Variants in NR6A1 observed in about 807,000 individuals in gnomAD.
NR6A1 encodes the protein retinoic acid receptor-related testis-associated receptor.
Under a neutral mutation model 59.1 loss-of-function variants are expected in NR6A1, and 7 were observed. The ratio of observed to expected loss-of-function variants is 0.12; its 90% confidence interval spans 0.07 to 0.22. The LOEUF is 0.22. NR6A1 is among the 10% of genes least tolerant of loss of function. NR6A1 has a pLI of 1.00. For synonymous variants in NR6A1, 243 were observed against 236.1 expected, an observed-to-expected ratio of 1.03 and a Z score of -0.27; for missense variants, 468 against 611.6, an observed-to-expected ratio of 0.77 and a Z score of 2.48.
intron 2 of NR6A1, chr9:124,595,718 C>A: frequency 8.6e-7 from 1 of 1,166,342 alleles, no homozygotes; most frequent in Non-Finnish European, 1.1e-6. Context: ...AATTTCTAAC[C>A]CTTAGATTTG....
intron 3 of NR6A1, among the ~76,000 whole-genome samples, chr9:124,553,261 G>A (rs1447451893): frequency 6.6e-6 from 1 of 152,044 alleles, no homozygotes; most frequent in Non-Finnish European, 1.5e-5. Context: ...CTAGGCTTCT[G>A]ACACCGGCCC....
chr9:124,587,944 T>C (rs1834983238), intron 2 of NR6A1, among the ~76,000 whole-genome samples: 1 of 152,188 alleles, frequency 6.6e-6, no homozygotes, highest in South Asian at 2.1e-4. Context: ...CATAATTCAA[T>C]GCAGCCTTGA....
At chr9:124,525,312 C>CACAT (rs1832902560) in intron 8 of NR6A1, among the ~76,000 whole-genome samples, 1 of 150,638 alleles carries the variant, frequency 6.6e-6, no homozygotes, top group Non-Finnish European at 1.5e-5. Flanking sequence ...CACACACACA[C>CACAT]ACACACACAC....
intron 2 of NR6A1, among the ~76,000 whole-genome samples, chr9:124,630,709 G>A (rs577580822): frequency 3.0e-4 from 29 of 95,966 alleles, no homozygotes; most frequent in African/African-American, 1.3e-3. Flanking sequence ...ACAGAGTTTC[G>A]CTCTTGTTGC....
chr9:124,532,453 T>C (rs1356754269), intron 7 of NR6A1, among the ~76,000 whole-genome samples: 1 of 152,196 alleles, frequency 6.6e-6, no homozygotes, highest in African/African-American at 2.4e-5. Context: ...CCCTGCACTG[T>C]AAGCTGTATC....
intron 2 of NR6A1, among the ~76,000 whole-genome samples, chr9:124,591,071 G>A (rs1835107695): frequency 1.3e-5 from 2 of 152,306 alleles, no homozygotes; most frequent in South Asian, 4.1e-4. Context: ...CCCACTGGTT[G>A]TACAGCATTT....
At chr9:124,524,589 GC>G (rs2131316731) in intron 9 of NR6A1, 131 bp downstream of exon 9, 2 of 972,336 alleles carry the variant, frequency 2.1e-6, no homozygotes, top group East Asian at 5.2e-5. Flanking sequence ...TTTTTTGAGG[GC>G]AAGGGTGAGA....
At chr9:124,698,877 G>GTTC (rs973513782) in intron 2 of NR6A1, among the ~76,000 whole-genome samples, 16 of 152,028 alleles carry the variant, frequency 1.1e-4, no homozygotes, top group Middle Eastern at 3.2e-3. Flanking sequence ...TTCCCTTCCT[G>GTTC]TTCTTCAGAC....
intron 2 of NR6A1, among the ~76,000 whole-genome samples, chr9:124,718,803 CTTTTTTT>C (rs11316308): frequency 9.4e-4 from 61 of 64,574 alleles, no homozygotes; most frequent in Non-Finnish European, 1.0e-3. Context: ...AAATTGTTAC[CTTTTTTT>C]TTTTTTTTTT....
At chr9:124,640,461 G>A (rs1438947956) in intron 2 of NR6A1, among the ~76,000 whole-genome samples, 2 of 152,112 alleles carry the variant, frequency 1.3e-5, no homozygotes, top group Non-Finnish European at 1.5e-5. Context: ...ATGCAGTGGA[G>A]TGATCGTAGC....
intron 2 of NR6A1, among the ~76,000 whole-genome samples, chr9:124,567,282 G>GT (rs1033090572): frequency 6.6e-6 from 1 of 152,098 alleles, no homozygotes; most frequent in Non-Finnish European, 1.5e-5. Context: ...AGGGGTGGGG[G>GT]TTAGGGGGTC....
intron 2 of NR6A1, chr9:124,599,609 TGAGTCGGTCGTCG>T: frequency 1.7e-6 from 2 of 1,176,740 alleles, no homozygotes; most frequent in Non-Finnish European, 2.2e-6. Context: ...GCCGCTCGGC[TGAGTCGGTCGTCG>T]CCGGCTCCGC....
chr9:124,665,035 A>G (rs1837568653), intron 2 of NR6A1, among the ~76,000 whole-genome samples: 1 of 150,634 alleles, frequency 6.6e-6, no homozygotes, highest in Non-Finnish European at 1.5e-5. Flanking sequence ...AAAAAAAAAA[A>G]AGGTAAAAAT....
At chr9:124,539,318 C>T (rs558840563) in intron 5 of NR6A1, among the ~76,000 whole-genome samples, 3 of 152,322 alleles carry the variant, frequency 2.0e-5, no homozygotes, top group South Asian at 4.1e-4. Flanking sequence ...TTTTGGAACA[C>T]AGCCATGCTC....
intron 3 of NR6A1, among the ~76,000 whole-genome samples, chr9:124,550,375 ATTTTT>A (rs58594452): frequency 3.4e-5 from 4 of 117,620 alleles, no homozygotes; most frequent in African/African-American, 6.5e-5. Flanking sequence ...CTAATGGTGA[ATTTTT>A]TTTTTTTTTT....
intron 2 of NR6A1, among the ~76,000 whole-genome samples, chr9:124,617,206 T>C (rs1270459834): frequency 6.6e-6 from 1 of 152,156 alleles, no homozygotes; most frequent in African/African-American, 2.4e-5. Flanking sequence ...CTCCCTCCCG[T>C]TGTTTATTAG....
At chr9:124,577,460 C>T (rs1834634869) in intron 2 of NR6A1, among the ~76,000 whole-genome samples, 2 of 152,194 alleles carry the variant, frequency 1.3e-5, no homozygotes, top group Non-Finnish European at 2.9e-5. Flanking sequence ...TGTTATATAT[C>T]TCAGTCCTTT....
chr9:124,764,925 T>C (rs1840888513), intron 1 of NR6A1, among the ~76,000 whole-genome samples: 2 of 152,166 alleles, frequency 1.3e-5, no homozygotes, highest in Non-Finnish European at 1.5e-5. Context: ...AGCTGACTTA[T>C]CAGCAGGGCC....
chr9:124,757,267 G>A (rs1840659324), intron 1 of NR6A1, among the ~76,000 whole-genome samples: 1 of 151,906 alleles, frequency 6.6e-6, no homozygotes, highest in Non-Finnish European at 1.5e-5. Flanking sequence ...GGTGTGAGAA[G>A]TACTATTATA....
Sources: allele counts gnomAD v4.1 joint callset (sites outside exome capture counted in the v4.1 genomes callset), GRCh38; gene constraint gnomAD v4.1.1; transcripts MANE v1.5; gene names NCBI Gene and HGNC (gene_info 2026-07-23, HGNC 2026-07-21).